The following UBE3B variants were observed in gnomAD, a reference collection of about 807,000 sequenced individuals.
UBE3B encodes the protein ubiquitin protein ligase E3B, also known as ubiquitin-protein ligase E3B.
In UBE3B, 80 loss-of-function variants were observed where a neutral mutation model predicts 132.3. The observed-to-expected ratio is 0.60, with a 90% CI of 0.50 to 0.73. The LOEUF (loss-of-function observed/expected upper bound fraction) is 0.73. Ranked by LOEUF, UBE3B falls within the 30% of genes least tolerant of loss-of-function variation. The pLI is 0.00. For missense variants in UBE3B, 1,196 were observed against 1,362.5 expected, an observed-to-expected ratio of 0.88 and a Z score of 1.92; for synonymous variants, 487 against 520.4, an observed-to-expected ratio of 0.94 and a Z score of 0.87.
At chr12:109,545,924 A>G in the UBE3B span, among the ~76,000 whole-genome samples, 2 of 152,188 alleles carry the variant, frequency 1.3e-5, no homozygotes, top group Admixed American at 1.3e-4. Context: ...TGTGCTGAGT[A>G]AAGGGCCGAT....
At chr12:109,530,153 G>C (rs1175156961) in intron 25 of UBE3B, 81 bp downstream of exon 25, 2 of 1,547,270 alleles carry the variant, frequency 1.3e-6, no homozygotes, top group African/African-American at 2.7e-5. Context: ...TCCTTTTAGA[G>C]AGTTGTTTTA....
intron 24 of UBE3B, among the ~76,000 whole-genome samples, chr12:109,529,572 C>T (rs574814881): frequency 6.6e-6 from 1 of 152,272 alleles, no homozygotes; most frequent in African/African-American, 2.4e-5. Flanking sequence ...AAGAAGGGCC[C>T]TCTTCTTACG....
intron 26 of UBE3B, 28 bp downstream of exon 26, chr12:109,530,686 T>C: frequency 6.3e-7 from 1 of 1,593,728 alleles, no homozygotes; most frequent in Non-Finnish European, 8.6e-7. Context: ...TATGCATGCA[T>C]GCATGTATTC....
At chr12:109,487,198 C>T (rs1876648991) in intron 6 of UBE3B, among the ~76,000 whole-genome samples, 1 of 152,190 alleles carries the variant, frequency 6.6e-6, no homozygotes, top group Non-Finnish European at 1.5e-5. Context: ...CTGGGTTCAT[C>T]TCTGAACCAG....
intron 14 of UBE3B, 69 bp downstream of exon 14, chr12:109,503,259 A>G (rs938599043): frequency 3.8e-6 from 6 of 1,563,964 alleles, no homozygotes; most frequent in African/African-American, 1.4e-5. Context: ...GCAAAAGTCG[A>G]TGTTTTTTTC....
At chr12:109,536,873 A>G (rs944950879), downstream of UBE3B, among the ~76,000 whole-genome samples, 9 of 151,946 alleles carry the variant, frequency 5.9e-5, no homozygotes, top group Non-Finnish European at 1.3e-4. Context: ...AGTCTGTCCT[A>G]TTTGCTTCCA....
At chr12:109,526,305 T>C (rs1882326025) in intron 23 of UBE3B, 53 bp from the exon 24 acceptor site, 1 of 1,583,144 alleles carries the variant, frequency 6.3e-7, no homozygotes, top group Non-Finnish European at 8.7e-7. Flanking sequence ...TCCGGGAAGC[T>C]TTATTTCCCC....
At chr12:109,478,897 C>A (rs1874828754) in intron 1 of UBE3B, among the ~76,000 whole-genome samples, 1 of 152,230 alleles carries the variant, frequency 6.6e-6, no homozygotes, top group Admixed American at 6.5e-5. Context: ...GTCATTAAAC[C>A]TGGTGGCCCA....
At chr12:109,544,187 A>G in the UBE3B span, among the ~76,000 whole-genome samples, 4 of 152,210 alleles carry the variant, frequency 2.6e-5, no homozygotes, top group Non-Finnish European at 1.5e-5. Flanking sequence ...CTCATTCTCC[A>G]AACGTGGACA....
chr12:109,526,643 C>A (rs549739148), intron 24 of UBE3B, among the ~76,000 whole-genome samples: 206 of 152,162 alleles, frequency 1.4e-3, no homozygotes, highest in African/African-American at 4.8e-3. Context: ...TAGGCCGAGG[C>A]GGGCGGATCA....
At chr12:109,520,745 T>C (rs79654803) in intron 19 of UBE3B, 2 of 31,092 alleles carry the variant, frequency 6.4e-5, no homozygotes, top group Middle Eastern at 0.013. Context: ...TAGGTTTGAT[T>C]TTTTTTTTTT....
chr12:109,541,678 A>G (rs1883615857), downstream of UBE3B, among the ~76,000 whole-genome samples: 1 of 152,140 alleles, frequency 6.6e-6, no homozygotes, highest in South Asian at 2.1e-4. Context: ...AACAACGGAA[A>G]TGTATTCTCC....
At chr12:109,546,948 G>A in the UBE3B span, among the ~76,000 whole-genome samples, 6 of 152,130 alleles carry the variant, frequency 3.9e-5, no homozygotes, top group Admixed American at 6.5e-5. Context: ...GGGCTCAAGC[G>A]ATCCTCCTGC....
At chr12:109,528,210 T>C in intron 24 of UBE3B, 2 of 446,166 alleles carry the variant, frequency 4.5e-6, no homozygotes, top group Non-Finnish European at 5.9e-6. Context: ...TCTTTAGGGG[T>C]GATACTTGAT....
At chr12:109,480,197 T>C (rs1466777097) in intron 1 of UBE3B, among the ~76,000 whole-genome samples, 1 of 152,072 alleles carries the variant, frequency 6.6e-6, no homozygotes. Flanking sequence ...GAGTTTTTTT[T>C]TTTTTTTAAT....
At chr12:109,520,300 A>G (rs1881545499) in intron 19 of UBE3B, 1 of 152,258 alleles carries the variant, frequency 6.6e-6, no homozygotes, top group Non-Finnish European at 1.5e-5. Context: ...CTAGGAATGC[A>G]TTAGATGATG....
chr12:109,483,437 C>A, intron 2 of UBE3B, 94 bp from the exon 3 acceptor site: 1 of 1,338,376 alleles, frequency 7.5e-7, no homozygotes, highest in Non-Finnish European at 9.9e-7. Flanking sequence ...TCTCTGCTGC[C>A]CAGGTCCCTG....
intron 2 of UBE3B, 88 bp from the exon 3 acceptor site, chr12:109,483,443 C>A: frequency 7.2e-7 from 1 of 1,384,710 alleles, no homozygotes; most frequent in Non-Finnish European, 9.5e-7. Flanking sequence ...CTGCCCAGGT[C>A]CCTGCCCACC....
At chr12:109,543,088 A>C in the UBE3B span, among the ~76,000 whole-genome samples, 1 of 152,244 alleles carries the variant, frequency 6.6e-6, no homozygotes, top group Non-Finnish European at 1.5e-5. Flanking sequence ...AAAAGAAGCC[A>C]CAAATTCCAA....
Sources: gnomAD v4.1 joint callset for allele counts (sites outside exome capture counted in the v4.1 genomes callset) on GRCh38, gnomAD v4.1.1 for gene constraint, MANE v1.5 for transcripts, NCBI Gene and HGNC (gene_info 2026-07-23, HGNC 2026-07-21) for gene names.